Variants in MAN2A1 observed in about 807,000 individuals in gnomAD.
MAN2A1 encodes alpha-mannosidase 2.
MAN2A1 carries 76 observed loss-of-function variants against 142.6 expected under a neutral mutation model. The ratio of observed to expected loss-of-function variants is 0.53; its 90% confidence interval spans 0.44 to 0.65. The LOEUF (loss-of-function observed/expected upper bound fraction) is 0.65, where lower values mean the gene tolerates loss of function less well. Among genes scored for constraint, MAN2A1 ranks in the 30% least tolerant of loss-of-function variants. MAN2A1 has a pLI of 0.00. For synonymous variants in MAN2A1, 559 were observed against 473.2 expected (o/e 1.18, Z -2.35); for missense variants, 1,311 against 1,365.1 (o/e 0.96, Z 0.62).
intron 4 of MAN2A1, among the ~76,000 whole-genome samples, chr5:109,744,132 A>G (rs938773041): frequency 1.8e-4 from 27 of 152,014 alleles, no homozygotes; most frequent in Non-Finnish European, 1.5e-5. Context: ...ATTTACTTCT[A>G]CCATTCATTC....
At chr5:109,786,439 A>C (rs1417901820) in intron 10 of MAN2A1, among the ~76,000 whole-genome samples, 2 of 152,042 alleles carry the variant, frequency 1.3e-5, no homozygotes. Flanking sequence ...TGGCTACAGA[A>C]GATTTTTTGT....
intron 12 of MAN2A1, among the ~76,000 whole-genome samples, chr5:109,807,035 C>G (rs1249122980): frequency 6.6e-6 from 1 of 151,912 alleles, no homozygotes; most frequent in Admixed American, 6.6e-5. Context: ...TGTACCTTAG[C>G]GTTGAATTTT....
At chr5:109,756,168 T>C (rs1288455804) in intron 5 of MAN2A1, among the ~76,000 whole-genome samples, 1 of 152,068 alleles carries the variant, frequency 6.6e-6, no homozygotes, top group Non-Finnish European at 1.5e-5. Flanking sequence ...CCTAAAGGCA[T>C]GAGAATGGGT....
intron 1 of MAN2A1, among the ~76,000 whole-genome samples, chr5:109,692,109 C>T (rs182905178): frequency 6.6e-6 from 1 of 152,180 alleles, no homozygotes; most frequent in East Asian, 1.9e-4. Flanking sequence ...ATGCAAACAT[C>T]TGGACCTGGG....
chr5:109,812,547 C>G (rs537739075), intron 12 of MAN2A1, among the ~76,000 whole-genome samples: 1 of 151,964 alleles, frequency 6.6e-6, no homozygotes, highest in African/African-American at 2.4e-5. Context: ...AGGTTATATT[C>G]CACTAATGAG....
chr5:109,696,859 A>T (rs773443446), intron 1 of MAN2A1, among the ~76,000 whole-genome samples: 1 of 152,234 alleles, frequency 6.6e-6, no homozygotes, highest in South Asian at 2.1e-4. Flanking sequence ...GGTGAACTCT[A>T]TTCTTTCTCA....
intron 16 of MAN2A1, among the ~76,000 whole-genome samples, chr5:109,828,123 AAAAG>A (rs1302172027): frequency 1.4e-4 from 15 of 106,760 alleles, no homozygotes; most frequent in East Asian, 1.4e-3. Flanking sequence ...AAAAAAGAAA[AAAAG>A]AAAAAAAATT....
chr5:109,716,201 T>A lies in MAN2A1; in HGVS notation c.472T>A (p.Ser158Thr). ...WKQGFDITYE[S>T]NEWDTEPLQV... ...GCAAGGATTTGACATTACTTATGAA[T>A]CTAATGAATGGGACACTGAACCCCT... The change falls in exon 3 of 22, where the codon TCT becomes ACT. Residue 158 changes from serine (S) to threonine (T), a missense_variant. Physicochemically the swap from Ser to Thr is moderately conservative, Grantham distance 58 (BLOSUM62 1). Transcript: ENST00000261483. The A allele has an allele frequency of 6.2e-7, 1 of 1,612,082 alleles. No homozygotes were observed. The highest frequency in any genetic ancestry group is 1.1e-5 in the South Asian group (1 of 90,830).
chr5:109,841,186 A>G lies in MAN2A1; in HGVS notation c.2567-1142A>G, dbSNP rs190174960. Among the ~76,000 whole-genome samples the G allele has an allele frequency of 9.3e-4, 142 of 152,214 alleles. 2 individuals are homozygous for G. The highest frequency in any genetic ancestry group is 3.3e-3 in the African/African-American group (135 of 41,532). ...CATAGGTTATTGGGGTACAGGTGGT[A>G]TTTGGTTACATTAGTAAGTTCTTTA... On this transcript the variant is annotated intron_variant, in intron 16 of 21. Coordinates refer to ENST00000261483, the MANE Select transcript of MAN2A1 (RefSeq NM_002372.4).
chr5:109,704,329 G>T (rs1751069294), intron 1 of MAN2A1, among the ~76,000 whole-genome samples: 1 of 152,216 alleles, frequency 6.6e-6, no homozygotes, highest in South Asian at 2.1e-4. Flanking sequence ...ATTTGGTAAG[G>T]TATTCTGTAG....
chr5:109,713,597 TATTAGAGACTCAGTC>T lies in MAN2A1; in HGVS notation c.216_230del (p.Arg73_Ile77del). The T allele has an allele frequency of 6.2e-7, 1 of 1,614,142 alleles. No individual in the cohort carries two copies. The highest frequency in any genetic ancestry group is 8.5e-7 in the Non-Finnish European group (1 of 1,179,974). ...CTGAGAATAATGAGATCATCTCAAA[TATTAGAGACTCAGTC>T]ATCAATTTGAGTGAGTCTGTGGAGG... On this transcript the variant is annotated inframe_deletion, in exon 2 of 22. Coordinates refer to ENST00000261483, the MANE Select transcript of MAN2A1 (RefSeq NM_002372.4).
At chr5:109,807,603 A>G (rs1173301305) in intron 12 of MAN2A1, among the ~76,000 whole-genome samples, 3 of 152,002 alleles carry the variant, frequency 2.0e-5, no homozygotes, top group South Asian at 4.2e-4. Context: ...GTTGTCACAT[A>G]GTCTTCTTCT....
At chr5:109,827,815 A>G (rs867940867) in intron 16 of MAN2A1, among the ~76,000 whole-genome samples, 2 of 152,334 alleles carry the variant, frequency 1.3e-5, no homozygotes, top group Middle Eastern at 3.4e-3. Context: ...AGAATTTCTA[A>G]TGAAGGCGTG....
intron 19 of MAN2A1, among the ~76,000 whole-genome samples, chr5:109,851,270 A>C (rs963743749): frequency 6.6e-6 from 1 of 152,174 alleles, no homozygotes; most frequent in Admixed American, 6.5e-5. Context: ...CATTTATGCT[A>C]ATCATCCTCA....
At chr5:109,717,335 A>AT (rs1278132484) in intron 3 of MAN2A1, among the ~76,000 whole-genome samples, 2 of 151,952 alleles carry the variant, frequency 1.3e-5, no homozygotes, top group Admixed American at 6.5e-5. Context: ...TTAGTGAAGC[A>AT]TTTTTTTTGT....
intron 1 of MAN2A1, among the ~76,000 whole-genome samples, chr5:109,712,628 G>T (rs1751333375): frequency 6.6e-6 from 1 of 152,076 alleles, no homozygotes; most frequent in African/African-American, 2.4e-5. Context: ...CTTAATGTGG[G>T]TTTTTTGAGG....
rs553163631 is a variant in MAN2A1 at position 109,732,530 on chromosome 5, A to G, written c.707+3017A>G. 1.8e-3 allele frequency among the ~76,000 whole-genome samples: 269 copies of G among 152,136 alleles called. 1 individual carries two copies. Among genetic ancestry groups the G allele is most frequent in the Middle Eastern group, 0.014 (4 of 294 alleles). On this transcript the variant is annotated intron_variant, in intron 4 of 21. Coordinates refer to ENST00000261483, the MANE Select transcript of MAN2A1 (RefSeq NM_002372.4). Reference sequence around the variant, plus strand: ...TTAAGTCTTTAATCCATCTTGAATTAATTTTTGTATAAGGTTTAAGGAAGG... The same window carrying G: ...TTAAGTCTTTAATCCATCTTGAATTGATTTTTGTATAAGGTTTAAGGAAGG...
intron 16 of MAN2A1, among the ~76,000 whole-genome samples, chr5:109,831,553 A>C (rs555205035): frequency 6.6e-6 from 1 of 152,208 alleles, no homozygotes; most frequent in Admixed American, 6.5e-5. Flanking sequence ...AATAATTGCA[A>C]AGGATGTTAT....
intron 4 of MAN2A1, among the ~76,000 whole-genome samples, chr5:109,752,105 G>A (rs950874968): frequency 6.6e-6 from 1 of 152,078 alleles, no homozygotes; most frequent in African/African-American, 2.4e-5. Flanking sequence ...AATTAAAACT[G>A]TAAGTCATAT....
Sources: allele counts gnomAD v4.1 joint callset (sites outside exome capture counted in the v4.1 genomes callset), GRCh38; gene constraint gnomAD v4.1.1; transcripts MANE v1.5; gene names NCBI Gene and HGNC (gene_info 2026-07-23, HGNC 2026-07-21).